The following RIPOR2 variants were observed in gnomAD, a reference collection of about 807,000 sequenced individuals.
RIPOR2 encodes RHO family interacting cell polarization regulator 2.
RIPOR2 carries 39 observed loss-of-function variants against 114.5 expected under a neutral mutation model. That is an observed-to-expected ratio of 0.34 (90% confidence interval 0.26 to 0.44). The LOEUF is 0.44. Among genes scored for constraint, RIPOR2 ranks in the 20% least tolerant of loss-of-function variants. The pLI, the probability that RIPOR2 is intolerant of heterozygous loss-of-function variation, is 1.00. For synonymous variants in RIPOR2, 445 were observed against 484.4 expected (o/e 0.92, Z 1.07); for missense variants, 1,007 against 1,255.1 (o/e 0.80, Z 2.99).
In RIPOR2 at chr6:24,805,935, GTTT is replaced by G; in HGVS notation, c.*435_*437del. ...AGACTCTGAATTCTTTCTATAACAT[GTTT>G]TTTTAGTTGTTGTTGTTGTTTTGTT... On this transcript the variant is annotated 3_prime_UTR_variant, in exon 22 of 22. Transcript: ENST00000643898. 6.1e-6 allele frequency: 1 copy of G among 162,766 alleles called. No homozygotes were observed. Among genetic ancestry groups the G allele is most frequent in the South Asian group, 1.7e-4 (1 of 6,052 alleles). 10.1% of individuals were successfully genotyped at this position (162,766 alleles called of 1,614,324 possible).
chr6:24,898,851 A>T (rs926850), intron 1 of RIPOR2, among the ~76,000 whole-genome samples: 1 of 151,940 alleles, frequency 6.6e-6, no homozygotes, highest in Non-Finnish European at 1.5e-5. Flanking sequence ...GTCATAACAA[A>T]AACATATTTA....
At chr6:24,956,345 A>T (rs940899659) in intron 1 of RIPOR2, among the ~76,000 whole-genome samples, 2 of 152,226 alleles carry the variant, frequency 1.3e-5, no homozygotes, top group African/African-American at 4.8e-5. Flanking sequence ...TTTTTAGGTT[A>T]AAAATAACTT....
intron 7 of RIPOR2, among the ~76,000 whole-genome samples, chr6:24,862,421 TGAGGACCTCAGCCTAGAGGTTCTG>T (rs1306125360): frequency 1.3e-4 from 20 of 152,356 alleles, no homozygotes; most frequent in African/African-American, 4.6e-4. Context: ...TTCTGTATGC[TGAGGACCTCAGCCTAGAGGTTCTG>T]ATTCTTCTAT....
intron 1 of RIPOR2, among the ~76,000 whole-genome samples, chr6:24,926,331 A>G (rs2114125321): frequency 1.3e-5 from 2 of 152,332 alleles, no homozygotes; most frequent in Admixed American, 1.3e-4. Context: ...TTTCACCTCC[A>G]GCATTTCTGG....
intron 1 of RIPOR2, among the ~76,000 whole-genome samples, chr6:24,973,505 G>C (rs140847123): frequency 0.014 from 2,119 of 151,338 alleles, 40 homozygotes; most frequent in African/African-American, 0.04. Context: ...GCTGAGGCAG[G>C]AGAATAGCTT....
chr6:24,972,426 T>C (rs1349054911), intron 1 of RIPOR2, among the ~76,000 whole-genome samples: 1 of 152,204 alleles, frequency 6.6e-6, no homozygotes, highest in African/African-American at 2.4e-5. Context: ...AACTGAGAGA[T>C]TGGACCATTC....
At chr6:24,996,690 C>A (rs537919716) in intron 1 of RIPOR2, among the ~76,000 whole-genome samples, 37 of 152,312 alleles carry the variant, frequency 2.4e-4, no homozygotes, top group African/African-American at 8.2e-4. Flanking sequence ...CTCTAAGAAC[C>A]CCTTCCCCAA....
At chr6:24,809,304 CCTG>C (rs757460154) in intron 21 of RIPOR2, among the ~76,000 whole-genome samples, 1 of 152,146 alleles carries the variant, frequency 6.6e-6, no homozygotes, top group Non-Finnish European at 1.5e-5. Flanking sequence ...GGCTGAGATA[CCTG>C]GGGATTTACA....
At chr6:24,952,760 G>C (rs1433582807) in intron 1 of RIPOR2, among the ~76,000 whole-genome samples, 4 of 152,156 alleles carry the variant, frequency 2.6e-5, no homozygotes, top group African/African-American at 9.7e-5. Flanking sequence ...TCATAAGCAG[G>C]TATGTGCTGA....
intron 1 of RIPOR2, among the ~76,000 whole-genome samples, chr6:25,033,189 C>T (rs754648287): frequency 5.0e-5 from 7 of 138,742 alleles, no homozygotes; most frequent in Non-Finnish European, 9.1e-5. Context: ...GCCTGGGTGA[C>T]ACAATGAGAT....
intron 1 of RIPOR2, among the ~76,000 whole-genome samples, chr6:24,912,311 T>C (rs1348923732): frequency 6.6e-6 from 1 of 152,182 alleles, no homozygotes; most frequent in African/African-American, 2.4e-5. Flanking sequence ...CCTTCACTCT[T>C]ACATTGATCC....
intron 1 of RIPOR2, among the ~76,000 whole-genome samples, chr6:24,913,097 T>C (rs995155335): frequency 2.0e-5 from 3 of 152,010 alleles, no homozygotes; most frequent in African/African-American, 2.4e-5. Flanking sequence ...ACTTACCCTA[T>C]TGGGCTGAGG....
upstream of RIPOR2, chr6:24,936,146 C>A: frequency 2.3e-6 from 1 of 442,998 alleles, no homozygotes; most frequent in Non-Finnish European, 4.0e-6. Context: ...GCTGCAGATC[C>A]GGTTGGATAT....
At position 24,830,646 on chromosome 6, in the gene RIPOR2, A is replaced by T; in HGVS notation, c.2369T>A (p.Leu790Gln). 6.4e-7 allele frequency: 1 copy of T among 1,551,276 alleles called. No homozygotes were observed. Among genetic ancestry groups the T allele is most frequent in the Non-Finnish European group, 8.7e-7 (1 of 1,146,902 alleles). The change falls in exon 17 of 22, where the codon CTG becomes CAG. Residue 790 changes from leucine (L) to glutamine (Q), a missense_variant. Leu to Gln is a moderately radical substitution (Grantham distance 113). Coordinates refer to ENST00000643898, the MANE Select transcript of RIPOR2 (RefSeq NM_001286445.3). The part of the protein sequence containing the change: ...VEAIPEFHKK[L>Q]SLLSFWTKCC... ...CTTGGTCCAGAATGACAGCAAAGAC[A>T]GCTTTTTGTGAAATTCTGGTATGGC...
intron 8 of RIPOR2, among the ~76,000 whole-genome samples, chr6:24,854,268 A>G (rs983661633): frequency 3.3e-5 from 5 of 152,208 alleles, no homozygotes; most frequent in African/African-American, 4.8e-5. Context: ...ATGAAAAAAG[A>G]GAGACTATCT....
chr6:25,006,483 G>C (rs12111569), intron 1 of RIPOR2, among the ~76,000 whole-genome samples: 7,319 of 152,092 alleles, frequency 0.048, 384 homozygotes, highest in African/African-American at 0.13. Context: ...AATCTCTCTT[G>C]CCACCTCACC....
Position 24,875,801 on chromosome 6 carries a change from G to T in RIPOR2, c.78C>A (p.Leu26=). ...DVFGEGLPTR[L]PEIMLVGSQS... The stretch of plus-strand genomic sequence containing the variant: ...GGGATCCTACCAACATGATTTCCGG[G>T]AGTCTGGTCGGTAGTCCTAGAAGAC... Residue 26 remains leucine (L), a synonymous_variant, in exon 2 of 22, where the codon CTC becomes CTA. Transcript: ENST00000643898. 1 of 1,611,156 alleles carries T rather than the reference G, an allele frequency of 6.2e-7. No individual in the cohort carries two copies.
intron 1 of RIPOR2, among the ~76,000 whole-genome samples, chr6:24,990,024 C>T (rs1049344799): frequency 6.7e-6 from 1 of 149,954 alleles, no homozygotes; most frequent in African/African-American, 2.5e-5. Flanking sequence ...GCATGAGTCT[C>T]AAAAAATAAA....
chr6:24,934,292 A>G (rs1353586864), intron 1 of RIPOR2, among the ~76,000 whole-genome samples: 2 of 152,252 alleles, frequency 1.3e-5, no homozygotes, highest in East Asian at 3.8e-4. Flanking sequence ...AAGCTGAAGA[A>G]TGGGGCCTAA....
Sources: allele counts gnomAD v4.1 joint callset (sites outside exome capture counted in the v4.1 genomes callset), GRCh38; gene constraint gnomAD v4.1.1; transcripts MANE v1.5; gene names NCBI Gene and HGNC (gene_info 2026-07-23, HGNC 2026-07-21).